MARCHF1: variants seen among roughly 807,000 people sequenced by gnomAD.
MARCHF1 encodes the protein E3 ubiquitin-protein ligase MARCHF1.
Under a neutral mutation model 54.2 loss-of-function variants are expected in MARCHF1, and 40 were observed. That is an observed-to-expected ratio of 0.74 (90% CI 0.57 to 0.96). The LOEUF (loss-of-function observed/expected upper bound fraction) is 0.96. Ranked by LOEUF, MARCHF1 falls within the 40% of genes least tolerant of loss-of-function variation. MARCHF1 has a pLI of 0.00. For missense variants in MARCHF1, 586 were observed against 656.5 expected (o/e 0.89, Z 1.17); for synonymous variants, 236 against 236.3 (o/e 1.00, Z 0.01).
intron 1 of MARCHF1, among the ~76,000 whole-genome samples, chr4:164,219,514 A>G (rs957026032): frequency 6.6e-6 from 1 of 152,106 alleles, no homozygotes; most frequent in African/African-American, 2.4e-5. Flanking sequence ...TTTTACATTT[A>G]TGTCAATCCA....
At chr4:164,339,634 A>C (rs945273626) in intron 1 of MARCHF1, among the ~76,000 whole-genome samples, 2 of 152,170 alleles carry the variant, frequency 1.3e-5, no homozygotes, top group Non-Finnish European at 2.9e-5. Flanking sequence ...GATCTCAAAT[A>C]AACAACCTAA....
chr4:164,041,706 G>A (rs982434882), intron 2 of MARCHF1, among the ~76,000 whole-genome samples: 2 of 152,074 alleles, frequency 1.3e-5, no homozygotes, highest in African/African-American at 2.4e-5. Context: ...TAACTGTTGT[G>A]CCCCACCACA....
intron 1 of MARCHF1, among the ~76,000 whole-genome samples, chr4:164,172,673 G>A (rs183071015): frequency 6.6e-6 from 1 of 152,128 alleles, no homozygotes; most frequent in East Asian, 1.9e-4. Context: ...ATTATAAAAG[G>A]ACACTTTAAA....
intron 4 of MARCHF1, among the ~76,000 whole-genome samples, chr4:163,766,060 C>T (rs1051939780): frequency 1.1e-4 from 16 of 151,292 alleles, no homozygotes; most frequent in Middle Eastern, 3.2e-3. Context: ...TCAATGAGTT[C>T]TCACATGAGT....
intron 1 of MARCHF1, among the ~76,000 whole-genome samples, chr4:164,320,708 G>GA (rs11415626): frequency 0.15 from 22,234 of 151,996 alleles, 2,490 homozygotes; most frequent in East Asian, 0.43. Flanking sequence ...ATCCTTAAAA[G>GA]AATCCAGGTG....
chr4:163,990,009 A>G (rs1052378451), intron 2 of MARCHF1, among the ~76,000 whole-genome samples: 4 of 152,198 alleles, frequency 2.6e-5, no homozygotes, highest in African/African-American at 9.6e-5. Context: ...TACAGCAATA[A>G]TATCATTTCC....
At chr4:164,074,146 A>G (rs1754926250) in intron 2 of MARCHF1, among the ~76,000 whole-genome samples, 1 of 152,192 alleles carries the variant, frequency 6.6e-6, no homozygotes, top group Non-Finnish European at 1.5e-5. Context: ...AAATAACCAC[A>G]ATGCAAATTA....
intron 1 of MARCHF1, among the ~76,000 whole-genome samples, chr4:164,349,379 A>C (rs1730211319): frequency 6.6e-6 from 1 of 152,212 alleles, no homozygotes; most frequent in Non-Finnish European, 1.5e-5. Flanking sequence ...TTGTTAAAAT[A>C]AGACATAATA....
intron 3 of MARCHF1, among the ~76,000 whole-genome samples, chr4:163,923,000 T>A (rs1057334958): frequency 1.1e-4 from 16 of 152,170 alleles, no homozygotes; most frequent in African/African-American, 3.9e-4. Flanking sequence ...GTCAAAGAAT[T>A]AGAGTTCTCT....
chr4:163,947,601 G>A (rs2110771298), intron 3 of MARCHF1, among the ~76,000 whole-genome samples: 1 of 152,318 alleles, frequency 6.6e-6, no homozygotes, highest in African/African-American at 2.4e-5. Flanking sequence ...CTAGAAGACA[G>A]AAGAGGTAAA....
intron 3 of MARCHF1, among the ~76,000 whole-genome samples, chr4:163,861,006 T>C (rs752517470): frequency 1.3e-5 from 2 of 152,160 alleles, no homozygotes; most frequent in Non-Finnish European, 2.9e-5. Flanking sequence ...ATGACACAGA[T>C]AATAGGTCAA....
chr4:164,105,905 A>T (rs1320185988), intron 2 of MARCHF1, among the ~76,000 whole-genome samples: 1 of 148,448 alleles, frequency 6.7e-6, no homozygotes, highest in Non-Finnish European at 1.5e-5. Context: ...CAATGAACTC[A>T]AACAAATTTA....
At chr4:164,042,342 A>C (rs1368894889) in intron 2 of MARCHF1, among the ~76,000 whole-genome samples, 1 of 152,218 alleles carries the variant, frequency 6.6e-6, no homozygotes, top group Admixed American at 6.5e-5. Context: ...CTTAACAGGA[A>C]GCATAATTAG....
intron 2 of MARCHF1, among the ~76,000 whole-genome samples, chr4:164,080,539 T>C (rs1367549): frequency 0.76 from 115,798 of 151,924 alleles, 44,715 homozygotes; most frequent in Non-Finnish European, 0.83. Flanking sequence ...CATAAATTAA[T>C]ATATTCACAG....
At chr4:164,230,395 C>CA (rs59980603) in intron 1 of MARCHF1, among the ~76,000 whole-genome samples, 3,342 of 99,364 alleles carry the variant, frequency 0.034, 77 homozygotes, top group East Asian at 0.16. Context: ...AACTCCATCT[C>CA]AAAAAAAAAA....
intron 2 of MARCHF1, among the ~76,000 whole-genome samples, chr4:164,004,349 T>C (rs1247589938): frequency 1.3e-5 from 2 of 152,008 alleles, no homozygotes; most frequent in Non-Finnish European, 2.9e-5. Context: ...AAACATAAAT[T>C]GTATGCATAT....
rs11932299 is a variant in MARCHF1, at chr4:163,844,564, G to A, written c.111+9457C>T. On this transcript the variant is annotated intron_variant, in intron 4 of 9. Coordinates refer to ENST00000514618, the MANE Select transcript of MARCHF1 (RefSeq NM_001394959.1). ...TTAAAAAAAACCAAACTGCATATTT[G>A]TTGCATAGTATAGTGTTTGGCACAT... Among the ~76,000 whole-genome samples the A allele has an allele frequency of 3.2e-3, 481 of 152,242 alleles. 2 individuals are homozygous for A. Among genetic ancestry groups the A allele is most frequent in the Non-Finnish European group, 5.1e-3 (344 of 68,012 alleles).
chr4:163,822,313 A>G (rs570146396), intron 4 of MARCHF1, among the ~76,000 whole-genome samples: 1 of 152,048 alleles, frequency 6.6e-6, no homozygotes, highest in Admixed American at 6.6e-5. Flanking sequence ...ACATGCATTC[A>G]CAAATAAGAA....
intron 5 of MARCHF1, among the ~76,000 whole-genome samples, chr4:163,656,673 T>C (rs747409777): frequency 2.6e-4 from 39 of 151,824 alleles, no homozygotes; most frequent in Non-Finnish European, 5.3e-4. Context: ...TACTAGCAAA[T>C]AGAATCCAGC....
Sources: gnomAD v4.1 joint callset for allele counts (sites outside exome capture counted in the v4.1 genomes callset) on GRCh38, gnomAD v4.1.1 for gene constraint, MANE v1.5 for transcripts, NCBI Gene and HGNC (gene_info 2026-07-23, HGNC 2026-07-21) for gene names.